Variants in NARS2 observed in about 807,000 individuals in gnomAD.
NARS2 encodes asparaginyl-tRNA synthetase.
NARS2 carries 60 observed loss-of-function variants against 62.9 expected under a neutral mutation model. The observed-to-expected ratio is 0.95, with a 90% confidence interval of 0.77 to 1.18. The LOEUF is 1.18. NARS2 is among the 50% of genes most tolerant of loss of function. The pLI is 0.00. For synonymous variants in NARS2, 196 were observed against 200.0 expected (o/e 0.98, Z 0.17); for missense variants, 619 against 576.4 (o/e 1.07, Z -0.76).
intron 5 of NARS2, among the ~76,000 whole-genome samples, chr11:78,532,714 T>C (rs1380281160): frequency 6.6e-6 from 1 of 152,208 alleles, no homozygotes; most frequent in Non-Finnish European, 1.5e-5. Context: ...TAATTCTTTG[T>C]TATAGATTAA....
intron 5 of NARS2, among the ~76,000 whole-genome samples, chr11:78,536,196 C>A (rs4415800): frequency 0.014 from 2,118 of 152,208 alleles, 43 homozygotes; most frequent in African/African-American, 0.049. Context: ...GTAAACAAAC[C>A]TACTGCACTT....
intron 6 of NARS2, among the ~76,000 whole-genome samples, chr11:78,507,793 A>T (rs1416816610): frequency 2.0e-5 from 3 of 152,152 alleles, no homozygotes; most frequent in African/African-American, 7.2e-5. Flanking sequence ...TGCTGGGATT[A>T]CAGGCGTTAG....
At chr11:78,561,273 T>C (rs1339826673) in intron 4 of NARS2, among the ~76,000 whole-genome samples, 1 of 152,160 alleles carries the variant, frequency 6.6e-6, no homozygotes, top group Non-Finnish European at 1.5e-5. Context: ...AATACAGCCG[T>C]GCAAACAAAG....
intron 6 of NARS2, among the ~76,000 whole-genome samples, chr11:78,514,207 C>T (rs946278321): frequency 2.0e-5 from 3 of 152,128 alleles, no homozygotes; most frequent in Admixed American, 6.5e-5. Context: ...ACTGCAGCCT[C>T]GACCTCCTGG....
intron 6 of NARS2, among the ~76,000 whole-genome samples, chr11:78,500,937 C>G (rs113064592): frequency 6.6e-6 from 1 of 152,012 alleles, no homozygotes; most frequent in African/African-American, 2.4e-5. Context: ...ACAAAAAATA[C>G]AAAAATTAGC....
At chr11:78,462,700 G>A (rs1474467339) in intron 11 of NARS2, among the ~76,000 whole-genome samples, 1 of 152,108 alleles carries the variant, frequency 6.6e-6, no homozygotes, top group Non-Finnish European at 1.5e-5. Flanking sequence ...AAGCTTCTAA[G>A]CAAAGTTGTT....
chr11:78,567,095 A>T (rs1856768847), intron 3 of NARS2, among the ~76,000 whole-genome samples: 1 of 152,224 alleles, frequency 6.6e-6, no homozygotes. Context: ...ATACTTCAAA[A>T]TGATACTGAA....
At chr11:78,472,802 C>T (rs1263949247) in intron 9 of NARS2, among the ~76,000 whole-genome samples, 1 of 152,176 alleles carries the variant, frequency 6.6e-6, no homozygotes, top group Non-Finnish European at 1.5e-5. Context: ...CCAGTATTTT[C>T]AGAAGTTTCA....
chr11:78,499,186 G>A (rs1860189210), intron 6 of NARS2, among the ~76,000 whole-genome samples: 1 of 152,020 alleles, frequency 6.6e-6, no homozygotes. Flanking sequence ...AAAGTGCTGG[G>A]ATTACAGGCG....
chr11:78,546,187 C>T (rs571859630), intron 5 of NARS2, among the ~76,000 whole-genome samples: 1 of 152,302 alleles, frequency 6.6e-6, no homozygotes, highest in Admixed American at 6.5e-5. Flanking sequence ...AAGTCTGGTG[C>T]CTTAGCTGGG....
At chr11:78,476,506 G>A (rs1859103705) in intron 9 of NARS2, among the ~76,000 whole-genome samples, 1 of 152,174 alleles carries the variant, frequency 6.6e-6, no homozygotes, top group African/African-American at 2.4e-5. Flanking sequence ...CCCTTCTAAT[G>A]CACTTTTTGC....
chr11:78,523,433 G>C (rs955680918), intron 6 of NARS2, among the ~76,000 whole-genome samples: 1 of 152,176 alleles, frequency 6.6e-6, no homozygotes, highest in Non-Finnish European at 1.5e-5. Flanking sequence ...GTTAAACATA[G>C]TTACTGCATG....
intron 6 of NARS2, among the ~76,000 whole-genome samples, chr11:78,519,549 A>C (rs1861034711): frequency 6.6e-6 from 1 of 152,138 alleles, no homozygotes. Context: ...ATCATACTCT[A>C]CCTGTTTCAT....
At chr11:78,546,084 G>A (rs979962114) in intron 5 of NARS2, among the ~76,000 whole-genome samples, 9 of 152,158 alleles carry the variant, frequency 5.9e-5, no homozygotes, top group African/African-American at 2.2e-4. Context: ...CTTGTATGGA[G>A]TCTCTCACAT....
chr11:78,475,698 G>A (rs1591173825), intron 9 of NARS2, among the ~76,000 whole-genome samples: 1 of 148,558 alleles, frequency 6.7e-6, no homozygotes, highest in Non-Finnish European at 1.5e-5. Flanking sequence ...CTGGGCTTAG[G>A]CAATCCTCCC....
intron 5 of NARS2, among the ~76,000 whole-genome samples, chr11:78,550,849 CATCAAGTGATAA>C (rs1274758521): frequency 1.3e-5 from 2 of 152,098 alleles, no homozygotes; most frequent in African/African-American, 4.8e-5. Flanking sequence ...TACGAATGTC[CATCAAGTGATAA>C]ATCAATAAAC....
intron 10 of NARS2, among the ~76,000 whole-genome samples, chr11:78,466,681 C>T (rs1299620924): frequency 6.6e-6 from 1 of 152,144 alleles, no homozygotes; most frequent in Non-Finnish European, 1.5e-5. Context: ...TGGGGTTTCA[C>T]TACGTTGGCC....
intron 5 of NARS2, among the ~76,000 whole-genome samples, chr11:78,531,030 G>T (rs1343999818): frequency 6.6e-6 from 1 of 151,788 alleles, no homozygotes; most frequent in Non-Finnish European, 1.5e-5. Context: ...ATTAAAGAGG[G>T]TATATAAAAT....
intron 6 of NARS2, among the ~76,000 whole-genome samples, chr11:78,528,421 T>G (rs1418424059): frequency 6.6e-6 from 1 of 152,134 alleles, no homozygotes; most frequent in African/African-American, 2.4e-5. Flanking sequence ...GCTGTACACC[T>G]CTCAAAATGT....
Sources: allele counts gnomAD v4.1 joint callset (sites outside exome capture counted in the v4.1 genomes callset), GRCh38; gene constraint gnomAD v4.1.1; transcripts MANE v1.5; gene names NCBI Gene and HGNC (gene_info 2026-07-23, HGNC 2026-07-21).